Variants in WWC2 observed in about 807,000 individuals in gnomAD.
WWC2 encodes WW and C2 domain containing 2, also known as protein WWC2.
WWC2 carries 101 observed loss-of-function variants against 138.5 expected under a neutral mutation model. The observed-to-expected ratio is 0.73, with a 90% confidence interval of 0.62 to 0.86. The LOEUF (loss-of-function observed/expected upper bound fraction) is 0.86, where lower values mean the gene tolerates loss of function less well. Among genes scored for constraint, WWC2 ranks in the 40% least tolerant of loss-of-function variants. WWC2 has a pLI of 0.00. For synonymous variants in WWC2, 558 were observed against 538.4 expected (o/e 1.04, Z -0.50); for missense variants, 1,420 against 1,419.4 (o/e 1.00, Z -0.01).
chr4:183,265,808 G>A (rs774706917), intron 13 of WWC2, 40 bp downstream of exon 13: 1 of 1,608,900 alleles, frequency 6.2e-7, no homozygotes, highest in Non-Finnish European at 8.5e-7. Context: ...TCTGACATCT[G>A]TGCAGGGCAA....
chr4:183,259,783 T>C (rs1245434431), intron 10 of WWC2, 55 bp downstream of exon 10: 1 of 1,200,204 alleles, frequency 8.3e-7, no homozygotes, highest in Non-Finnish European at 1.2e-6. Context: ...CATGTTCTTG[T>C]TCATCTTTGA....
chr4:183,250,591 C>A (rs933680393), intron 8 of WWC2, among the ~76,000 whole-genome samples: 1 of 151,970 alleles, frequency 6.6e-6, no homozygotes. Context: ...TAAGAAACTT[C>A]CGTCTCAACA....
Position 183,284,255 on chromosome 4 carries a change from C to T in WWC2, c.2913C>T (p.Ala971=), listed in dbSNP as rs140465064. The T allele has an allele frequency of 6.4e-5, 104 of 1,613,810 alleles. 1 individual carries two copies. Among genetic ancestry groups the T allele is most frequent in the African/African-American group, 1.6e-4 (12 of 74,910 alleles). ...LVDKETNTDE[A]ANDNMAVRPK... ...ACAAAGAGACAAACACTGATGAAGC[C>T]GCTAATGACAATATGGCAGTTCGCC... Residue 971 remains alanine (A), a synonymous_variant, in exon 19 of 23, where the codon GCC becomes GCT. Coordinates refer to ENST00000403733, the MANE Select transcript of WWC2 (RefSeq NM_024949.6).
chr4:183,135,494 C>T (rs1447905974), intron 1 of WWC2, among the ~76,000 whole-genome samples: 2 of 151,784 alleles, frequency 1.3e-5, no homozygotes, highest in Non-Finnish European at 2.9e-5. Context: ...CCTTGTAGTA[C>T]TTAAAGTATC....
In WWC2 at chr4:183,319,488, C is replaced by A. The variant is rs535186367; in HGVS notation, c.*3759C>A. The A allele has an allele frequency of 5.6e-6, 8 of 1,435,012 alleles. No homozygotes were observed. Among genetic ancestry groups the A allele is most frequent in the Admixed American group, 2.2e-5 (1 of 44,816 alleles). 88.9% of individuals were successfully genotyped at this position (1,435,012 alleles called of 1,614,324 possible). ...CAAAAGCACAGTGAGATGACTAGAGCGGGACATCCTACCAAATCCAGTGTT... is the reference window on the plus strand; with the variant it reads ...CAAAAGCACAGTGAGATGACTAGAGAGGGACATCCTACCAAATCCAGTGTT... On this transcript the variant is annotated 3_prime_UTR_variant, in exon 23 of 23. Transcript: ENST00000403733.
chr4:183,224,112 G>A (rs530689213), intron 4 of WWC2, among the ~76,000 whole-genome samples: 5 of 152,240 alleles, frequency 3.3e-5, no homozygotes, highest in African/African-American at 1.2e-4. Context: ...AGAATTCCTC[G>A]CTGTCTGATT....
chr4:183,231,627 C>T (rs1043013183), intron 4 of WWC2, among the ~76,000 whole-genome samples: 8 of 152,016 alleles, frequency 5.3e-5, no homozygotes, highest in African/African-American at 9.7e-5. Context: ...ATTGATTCAA[C>T]GAGGAATGAG....
intron 1 of WWC2, among the ~76,000 whole-genome samples, chr4:183,147,859 G>A (rs923919084): frequency 2.6e-5 from 4 of 152,126 alleles, no homozygotes; most frequent in Non-Finnish European, 5.9e-5. Context: ...TTTTTCTCTG[G>A]TAAGGTATAT....
At chr4:183,143,016 G>T (rs1423866095) in intron 1 of WWC2, among the ~76,000 whole-genome samples, 1 of 152,180 alleles carries the variant, frequency 6.6e-6, no homozygotes, top group Non-Finnish European at 1.5e-5. Flanking sequence ...GTCACTGTCA[G>T]AAGAGAATCA....
intron 2 of WWC2, among the ~76,000 whole-genome samples, chr4:183,197,194 G>C (rs1002598744): frequency 3.3e-5 from 5 of 152,128 alleles, no homozygotes; most frequent in African/African-American, 1.2e-4. Flanking sequence ...TTCACTATTA[G>C]AATATAAAAT....
At chr4:183,146,785 T>A (rs1256791483) in intron 1 of WWC2, among the ~76,000 whole-genome samples, 2 of 152,134 alleles carry the variant, frequency 1.3e-5, no homozygotes, top group Admixed American at 6.5e-5. Flanking sequence ...GTCTGAGAAA[T>A]GAGTTGGTGA....
intron 16 of WWC2, among the ~76,000 whole-genome samples, chr4:183,271,682 T>G (rs1272899076): frequency 6.6e-6 from 1 of 152,196 alleles, no homozygotes; most frequent in Non-Finnish European, 1.5e-5. Context: ...ATTTGTAACA[T>G]CAATAGCCAT....
At chr4:183,245,870 G>A (rs1450576198) in intron 6 of WWC2, among the ~76,000 whole-genome samples, 1 of 152,178 alleles carries the variant, frequency 6.6e-6, no homozygotes, top group Non-Finnish European at 1.5e-5. Context: ...CTTCATATGA[G>A]TCCCCAGTAA....
At chr4:183,315,453 G>A (rs775380631) in intron 22 of WWC2, among the ~76,000 whole-genome samples, 4 of 152,084 alleles carry the variant, frequency 2.6e-5, no homozygotes, top group Non-Finnish European at 5.9e-5. Flanking sequence ...GGTGACTTCC[G>A]TGATCCAGAG....
chr4:183,262,769 G>GGTGT (rs1421414172), intron 11 of WWC2, among the ~76,000 whole-genome samples: 2 of 152,114 alleles, frequency 1.3e-5, no homozygotes, highest in South Asian at 2.1e-4. Flanking sequence ...GAAGGAGTAC[G>GGTGT]GTGTGTGTGC....
chr4:183,133,714 C>T (rs185243474), intron 1 of WWC2, among the ~76,000 whole-genome samples: 31 of 152,288 alleles, frequency 2.0e-4, no homozygotes, highest in African/African-American at 5.5e-4. Context: ...CCAGGCTGGT[C>T]TTGAACTCCT....
In WWC2 at chr4:183,315,699, C is replaced by T. The variant is rs1035995345; in HGVS notation, c.3549C>T (p.Ser1183=). ...KIAYFTRAKI[S]IPSLPADDV ...CCTACTTCACCAGAGCAAAGATAAG[C>T]ATCCCATCCCTGCCAGCTGATGATG... Residue 1183 remains serine (S), a synonymous_variant, in exon 23 of 23, where the codon AGC becomes AGT. Coordinates refer to ENST00000403733, the MANE Select transcript of WWC2 (RefSeq NM_024949.6). The T allele has an allele frequency of 2.5e-6, 4 of 1,613,336 alleles. No individual in the cohort carries two copies. In the South Asian group the frequency reaches 4.4e-5, roughly 18 times the overall value.
At chr4:183,174,792 CTCCTTT>C (rs1481642696) in intron 1 of WWC2, among the ~76,000 whole-genome samples, 2 of 152,052 alleles carry the variant, frequency 1.3e-5, no homozygotes, top group Admixed American at 1.3e-4. Context: ...CCTTCTCCTT[CTCCTTT>C]CTCTCTCTCT....
chr4:183,200,947 G>A (rs778909702), intron 2 of WWC2, among the ~76,000 whole-genome samples: 1 of 152,170 alleles, frequency 6.6e-6, no homozygotes, highest in Non-Finnish European at 1.5e-5. Flanking sequence ...GGATTATTGG[G>A]AGTCATCTAC....
Sources: allele counts gnomAD v4.1 joint callset (sites outside exome capture counted in the v4.1 genomes callset), GRCh38; gene constraint gnomAD v4.1.1; transcripts MANE v1.5; gene names NCBI Gene and HGNC (gene_info 2026-07-23, HGNC 2026-07-21).